The following PRKG1 variants were observed in gnomAD, a reference collection of about 807,000 sequenced individuals.
PRKG1 encodes the protein cGMP-dependent protein kinase 1.
PRKG1 carries 35 observed loss-of-function variants against 88.1 expected under a neutral mutation model. That is an observed-to-expected ratio of 0.40 (90% confidence interval 0.30 to 0.53). The LOEUF is 0.53. Ranked by LOEUF, PRKG1 falls within the 20% of genes least tolerant of loss-of-function variation. PRKG1 has a pLI of 0.59. For missense variants in PRKG1, 540 were observed against 839.8 expected, an observed-to-expected ratio of 0.64 and a Z score of 4.41; for synonymous variants, 303 against 292.5, an observed-to-expected ratio of 1.04 and a Z score of -0.37.
At chr10:51,350,956 C>A (rs1362434562) in intron 2 of PRKG1, among the ~76,000 whole-genome samples, 2 of 152,108 alleles carry the variant, frequency 1.3e-5, no homozygotes, top group Non-Finnish European at 2.9e-5. Flanking sequence ...TGATGTTCCC[C>A]TCCCTGTGTC....
At position 51,996,872 on chromosome 10, in the gene PRKG1, T is replaced by G. The variant is rs577094087; in HGVS notation, c.763-57612T>G. On this transcript the variant is annotated intron_variant, in intron 5 of 17. Coordinates refer to ENST00000373980, the MANE Select transcript of PRKG1 (RefSeq NM_006258.4). ...GGCATAATTCATAATAGCCAAGATA[T>G]AGAATCAACCTGAATGTTCATCAAG... 7.2e-5 allele frequency among the ~76,000 whole-genome samples: 11 copies of G among 152,240 alleles called. No individual in the cohort carries two copies. In the South Asian group the frequency reaches 8.3e-4, roughly 11 times the overall value.
intron 3 of PRKG1, among the ~76,000 whole-genome samples, chr10:51,484,442 A>T (rs531139605): frequency 8.5e-5 from 13 of 152,122 alleles, no homozygotes; most frequent in African/African-American, 3.1e-4. Context: ...AAGACTGACT[A>T]ATTTTTGTAT....
At chr10:51,786,751 A>C (rs556158194) in intron 3 of PRKG1, among the ~76,000 whole-genome samples, 37 of 152,272 alleles carry the variant, frequency 2.4e-4, no homozygotes, top group African/African-American at 7.0e-4. Context: ...TTGTGGAACA[A>C]ATATTTCATT....
chr10:51,271,125 GC>G, intron 2 of PRKG1, among the ~76,000 whole-genome samples: 1 of 152,266 alleles, frequency 6.6e-6, no homozygotes, highest in East Asian at 1.9e-4. Context: ...TGGCCATACA[GC>G]TGTGAAGAAA....
chr10:52,175,619 A>G (rs770024290), intron 9 of PRKG1, among the ~76,000 whole-genome samples: 6 of 152,122 alleles, frequency 3.9e-5, no homozygotes, highest in Admixed American at 6.6e-5. Context: ...CCGACGGTAT[A>G]CAAGAGTTCC....
intron 2 of PRKG1, among the ~76,000 whole-genome samples, chr10:51,290,718 A>G (rs1007007047): frequency 5.9e-5 from 9 of 152,112 alleles, no homozygotes; most frequent in African/African-American, 1.7e-4. Flanking sequence ...TTATGTGGGC[A>G]GTCTACCAAA....
At chr10:52,267,127 A>C (rs1416788507) in intron 10 of PRKG1, among the ~76,000 whole-genome samples, 1 of 152,136 alleles carries the variant, frequency 6.6e-6, no homozygotes, top group Non-Finnish European at 1.5e-5. Context: ...CAGGAAAAAT[A>C]AAAAGCAAAC....
intron 9 of PRKG1, among the ~76,000 whole-genome samples, chr10:52,176,364 A>G (rs1199136508): frequency 1.3e-5 from 2 of 150,868 alleles, no homozygotes; most frequent in South Asian, 2.1e-4. Context: ...AGTCTGGTCT[A>G]TTTTTTTCTG....
At chr10:51,354,954 C>T (rs747726547) in intron 2 of PRKG1, among the ~76,000 whole-genome samples, 1 of 152,036 alleles carries the variant, frequency 6.6e-6, no homozygotes, top group Non-Finnish European at 1.5e-5. Context: ...TAGCAAATGT[C>T]TGGGCATAGG....
chr10:52,152,086 A>G (rs1837942578), intron 8 of PRKG1, among the ~76,000 whole-genome samples: 1 of 152,188 alleles, frequency 6.6e-6, no homozygotes, highest in Non-Finnish European at 1.5e-5. Context: ...ATAGGTGGAT[A>G]CCCTAAGACA....
intron 5 of PRKG1, among the ~76,000 whole-genome samples, chr10:52,041,249 C>G (rs1845749895): frequency 1.3e-5 from 2 of 152,192 alleles, no homozygotes; most frequent in South Asian, 4.2e-4. Flanking sequence ...TGGTTTTTAT[C>G]CTTAATTCTG....
intron 2 of PRKG1, among the ~76,000 whole-genome samples, chr10:51,317,569 A>G (rs899632469): frequency 2.0e-5 from 3 of 152,214 alleles, no homozygotes; most frequent in Non-Finnish European, 4.4e-5. Flanking sequence ...GTTGAAAGGG[A>G]AAGAAGCAAC....
At chr10:51,212,733 C>T (rs1006079688) in intron 2 of PRKG1, among the ~76,000 whole-genome samples, 1 of 152,136 alleles carries the variant, frequency 6.6e-6, no homozygotes, top group Admixed American at 6.5e-5. Context: ...TCATCACTGG[C>T]CATCAGAGAA....
At chr10:51,590,031 A>T (rs1374435123) in intron 3 of PRKG1, among the ~76,000 whole-genome samples, 1 of 152,172 alleles carries the variant, frequency 6.6e-6, no homozygotes, top group Non-Finnish European at 1.5e-5. Context: ...AAAGTAGGTT[A>T]GATAAATTCA....
chr10:52,270,007 C>A (rs565679239), intron 10 of PRKG1, among the ~76,000 whole-genome samples: 4 of 151,984 alleles, frequency 2.6e-5, no homozygotes, highest in South Asian at 2.1e-4. Flanking sequence ...GGAACTAAAG[C>A]CATCATGCTT....
intron 2 of PRKG1, among the ~76,000 whole-genome samples, chr10:51,182,184 T>C (rs1253373336): frequency 1.3e-5 from 2 of 152,164 alleles, no homozygotes; most frequent in Non-Finnish European, 2.9e-5. Flanking sequence ...TTCAAGTTGA[T>C]GGTATTTTGA....
At chr10:51,908,909 T>A (rs1304208685) in intron 5 of PRKG1, 2 of 152,054 alleles carry the variant, frequency 1.3e-5, no homozygotes, top group Non-Finnish European at 2.9e-5. Context: ...TTTTTGTATT[T>A]TTAGTAGAGA....
At chr10:51,255,300 A>C (rs1475978384) in intron 2 of PRKG1, among the ~76,000 whole-genome samples, 1 of 152,102 alleles carries the variant, frequency 6.6e-6, no homozygotes, top group Admixed American at 6.6e-5. Context: ...CATGGCTCAT[A>C]TCTTTGTAGT....
chr10:51,734,853 G>A (rs1217617547), intron 3 of PRKG1, among the ~76,000 whole-genome samples: 1 of 150,464 alleles, frequency 6.6e-6, no homozygotes, highest in Non-Finnish European at 1.5e-5. Context: ...TATTTGTATT[G>A]TTAGTAAGCA....
Sources: allele counts gnomAD v4.1 joint callset (sites outside exome capture counted in the v4.1 genomes callset), GRCh38; gene constraint gnomAD v4.1.1; transcripts MANE v1.5; gene names NCBI Gene and HGNC (gene_info 2026-07-23, HGNC 2026-07-21).